Variants in MAMDC2 observed in about 807,000 individuals in gnomAD.
MAMDC2 encodes the protein MAM domain-containing protein 2.
A neutral mutation model predicts 89.8 loss-of-function variants in MAMDC2; 57 were observed. That is an observed-to-expected ratio of 0.63 (90% confidence interval 0.51 to 0.79). MAMDC2 has a LOEUF of 0.79. MAMDC2 is among the 30% of genes least tolerant of loss of function. The pLI is 0.00. For missense variants in MAMDC2, 800 were observed against 820.6 expected (o/e 0.97, Z 0.31); for synonymous variants, 313 against 293.4 (o/e 1.07, Z -0.68).
At chr9:70,176,584 A>G (rs751059268) in intron 11 of MAMDC2, among the ~76,000 whole-genome samples, 3 of 152,204 alleles carry the variant, frequency 2.0e-5, no homozygotes, top group African/African-American at 7.2e-5. Context: ...TTTTTAAAGT[A>G]AATTTTTTCT....
chr9:70,178,892 T>A (rs1361934972), intron 11 of MAMDC2, among the ~76,000 whole-genome samples: 1 of 152,110 alleles, frequency 6.6e-6, no homozygotes, highest in Admixed American at 6.5e-5. Context: ...ATGGCTGGTG[T>A]GAAGTATGGA....
chr9:70,110,849 A>G (rs17452397), intron 4 of MAMDC2, among the ~76,000 whole-genome samples: 4,317 of 152,308 alleles, frequency 0.028, 91 homozygotes, highest in Middle Eastern at 0.044. Context: ...TAGCAGTGGA[A>G]TTGGAAAAAG....
intron 2 of MAMDC2, among the ~76,000 whole-genome samples, chr9:70,103,128 G>A (rs1371631339): frequency 6.6e-6 from 1 of 152,138 alleles, no homozygotes; most frequent in Non-Finnish European, 1.5e-5. Flanking sequence ...CTTTTTAAGA[G>A]CTCTGGAAAT....
At chr9:70,221,376 T>TAGAGAGAGAGAGAGAGAGAG (rs1471293661) in intron 12 of MAMDC2, among the ~76,000 whole-genome samples, 3 of 5,788 alleles carry the variant, frequency 5.2e-4, no homozygotes, top group Non-Finnish European at 7.5e-4. Context: ...TATATATATA[T>TAGAGAGAGAGAGAGAGAGAG]ATATAGAGAG....
intron 11 of MAMDC2, among the ~76,000 whole-genome samples, chr9:70,173,403 A>C (rs780506891): frequency 2.6e-5 from 4 of 152,198 alleles, no homozygotes; most frequent in Non-Finnish European, 5.9e-5. Flanking sequence ...AAATGAATAA[A>C]TGAATCTATA....
intron 11 of MAMDC2, among the ~76,000 whole-genome samples, chr9:70,189,171 A>C (rs958373741): frequency 6.6e-6 from 1 of 152,148 alleles, no homozygotes; most frequent in African/African-American, 2.4e-5. Flanking sequence ...TTATTTCTTC[A>C]TACAAGTTTG....
chr9:70,127,554 C>T (rs921049972), intron 6 of MAMDC2, among the ~76,000 whole-genome samples: 6 of 151,950 alleles, frequency 3.9e-5, no homozygotes, highest in Non-Finnish European at 7.4e-5. Context: ...GGATGGGTTT[C>T]GGTGGTGCCA....
chr9:70,136,802 C>T (rs1308213543), intron 7 of MAMDC2, among the ~76,000 whole-genome samples: 2 of 152,168 alleles, frequency 1.3e-5, no homozygotes, highest in Non-Finnish European at 2.9e-5. Context: ...AGAGGGGTGA[C>T]TAATACTGAA....
chr9:70,144,266 AC>A (rs2031323412), intron 9 of MAMDC2, among the ~76,000 whole-genome samples: 1 of 152,162 alleles, frequency 6.6e-6, no homozygotes, highest in African/African-American at 2.4e-5. Flanking sequence ...AAGGTTAACA[AC>A]CTAAGGCTCT....
intron 12 of MAMDC2, among the ~76,000 whole-genome samples, chr9:70,219,493 C>A (rs562664948): frequency 6.6e-6 from 1 of 152,346 alleles, no homozygotes; most frequent in African/African-American, 2.4e-5. Flanking sequence ...AAACCCAGAT[C>A]TTCCTGGGAA....
chr9:70,212,690 C>T (rs752428177), intron 11 of MAMDC2, among the ~76,000 whole-genome samples: 1 of 152,174 alleles, frequency 6.6e-6, no homozygotes, highest in Non-Finnish European at 1.5e-5. Flanking sequence ...AGAAATCACC[C>T]GTCTTCTGCG....
chr9:70,140,183 G>A lies in MAMDC2; in HGVS notation c.1033G>A (p.Glu345Lys), dbSNP rs777250680. 2.5e-6 allele frequency: 4 copies of A among 1,595,468 alleles called. No individual in the cohort carries two copies. The East Asian group carries it at 9.1e-5, about 36-fold the overall frequency. Residue 345 changes from glutamate to lysine, a missense_variant, in exon 8 of 14, where the codon GAG (glutamate) becomes AAG (lysine). Glu to Lys is a moderately conservative substitution (Grantham distance 56). Transcript: ENST00000377182. ...TGCCGTGGAAGCCAGCTGCAATTTT[G>A]AGCAAGATCTCTGCAACTTTTACCA... is the stretch of plus-strand genomic sequence containing the variant. ...FSAVEASCNF[E>K]QDLCNFYQDK...
chr9:70,218,971 C>T (rs753477396), intron 12 of MAMDC2, among the ~76,000 whole-genome samples: 1 of 152,150 alleles, frequency 6.6e-6, no homozygotes, highest in Admixed American at 6.5e-5. Context: ...CTCATCATTA[C>T]TCACATACAT....
At chr9:70,083,913 G>C (rs1827711285) in intron 2 of MAMDC2, among the ~76,000 whole-genome samples, 1 of 152,092 alleles carries the variant, frequency 6.6e-6, no homozygotes, top group Non-Finnish European at 1.5e-5. Context: ...GTAAAGATGA[G>C]CATGTCCTGG....
intron 2 of MAMDC2, among the ~76,000 whole-genome samples, chr9:70,104,828 T>TCCCAAA (rs1828290145): frequency 6.6e-6 from 1 of 152,182 alleles, no homozygotes; most frequent in East Asian, 1.9e-4. Context: ...GGGTTTCCTT[T>TCCCAAA]TGGGGTTATG....
chr9:70,050,910 G>A (rs970089537), intron 2 of MAMDC2, among the ~76,000 whole-genome samples: 1 of 152,212 alleles, frequency 6.6e-6, no homozygotes, highest in Admixed American at 6.5e-5. Flanking sequence ...CATACTTAGT[G>A]TGTAGTCTAT....
intron 11 of MAMDC2, among the ~76,000 whole-genome samples, chr9:70,184,990 G>A (rs1291787433): frequency 2.0e-5 from 3 of 152,104 alleles, no homozygotes; most frequent in Admixed American, 6.5e-5. Flanking sequence ...GCATTTTTGT[G>A]CTGGTTTTTA....
chr9:70,071,317 C>T (rs1008793566), intron 2 of MAMDC2, among the ~76,000 whole-genome samples: 15 of 152,208 alleles, frequency 9.9e-5, no homozygotes, highest in African/African-American at 3.6e-4. Context: ...GTCTGTGCTA[C>T]AGCCCAGGGG....
At chr9:70,093,049 C>CCATA (rs1018922100) in intron 2 of MAMDC2, among the ~76,000 whole-genome samples, 1 of 151,736 alleles carries the variant, frequency 6.6e-6, no homozygotes, top group African/African-American at 2.4e-5. Flanking sequence ...GTATGTGTAC[C>CCATA]CATACATACA....
Sources: allele counts gnomAD v4.1 joint callset (sites outside exome capture counted in the v4.1 genomes callset), GRCh38; gene constraint gnomAD v4.1.1; transcripts MANE v1.5; gene names NCBI Gene and HGNC (gene_info 2026-07-23, HGNC 2026-07-21).